Variants in ZNF564 observed in about 807,000 individuals in gnomAD.
ZNF564 encodes the protein zinc finger protein 564.
A neutral mutation model predicts 10.5 loss-of-function variants in ZNF564; 5 were observed. That is an observed-to-expected ratio of 0.48 (90% CI 0.25 to 1.00). The LOEUF is 1.00. ZNF564 is among the 50% of genes least tolerant of loss of function. The pLI is 0.16. For synonymous variants in ZNF564, 242 were observed against 218.1 expected (o/e 1.11, Z -0.97); for missense variants, 603 against 669.7 (o/e 0.90, Z 1.10).
At chr19:12,539,503 C>CA (rs1181815609) in intron 1 of ZNF564, among the ~76,000 whole-genome samples, 2,467 of 63,960 alleles carry the variant, frequency 0.039, 39 homozygotes, top group Non-Finnish European at 0.047. Context: ...AATAAAAATA[C>CA]AAAAAAAAAA....
At chr19:12,533,740 A>C (rs1249553929) in intron 1 of ZNF564, among the ~76,000 whole-genome samples, 1 of 149,792 alleles carries the variant, frequency 6.7e-6, no homozygotes, top group African/African-American at 2.4e-5. Flanking sequence ...AAAAAAAAAA[A>C]AAAAAAAAAA....
intron 1 of ZNF564, among the ~76,000 whole-genome samples, chr19:12,542,840 C>T (rs1006984802): frequency 6.6e-6 from 1 of 150,542 alleles, no homozygotes; most frequent in Admixed American, 6.6e-5. Context: ...TCTGTCACTA[C>T]TAAAAATACA....
chr19:12,537,756 A>C (rs2021948329), intron 1 of ZNF564, among the ~76,000 whole-genome samples: 1 of 151,024 alleles, frequency 6.6e-6, no homozygotes, highest in African/African-American at 2.5e-5. Flanking sequence ...AAAAAAAAGA[A>C]AAAAAAGAAA....
At chr19:12,543,567 G>A (rs1347592659) in intron 1 of ZNF564, among the ~76,000 whole-genome samples, 3 of 147,528 alleles carry the variant, frequency 2.0e-5, no homozygotes, top group East Asian at 2.1e-4. Flanking sequence ...CCAGCTACTC[G>A]GGAGGCTGAG....
At chr19:12,548,903 C>T in intron 1 of ZNF564, 1 of 701,434 alleles carries the variant, frequency 1.4e-6, no homozygotes, top group Non-Finnish European at 2.6e-6. Context: ...CTGTATTTCA[C>T]CAATTAATGT....
At position 12,551,438 on chromosome 19, in the gene ZNF564, A is replaced by C; in HGVS notation, c.-106T>G. ...GTGGAGCCACCGGGGCCACTGGAGAAGCGGAGACCGGAACCCAAACGCAGC... is the reference window on the plus strand; with the variant it reads ...GTGGAGCCACCGGGGCCACTGGAGACGCGGAGACCGGAACCCAAACGCAGC... On this transcript the variant is annotated 5_prime_UTR_variant, in exon 1 of 4. Transcript: ENST00000339282. The C allele has an allele frequency of 6.9e-7, 1 of 1,443,754 alleles. No individual in the cohort carries two copies. The highest frequency in any genetic ancestry group is 1.4e-5 in the South Asian group (1 of 72,278). The allele number at this position is 1,443,754 out of a possible 1,614,324, so 89.4% of individuals were successfully genotyped here.
chr19:12,525,487 C>T lies in ZNF564; in HGVS notation c.*959G>A, dbSNP rs1212708068. ...GTTCTCCAACATTCCACATCCTTGA[C>T]AGTATTTCTTGTTTTCCATCTTTGA... On this transcript the variant is annotated 3_prime_UTR_variant, in exon 4 of 4. Coordinates refer to ENST00000339282, the MANE Select transcript of ZNF564 (RefSeq NM_144976.4). 6.6e-6 allele frequency: 1 copy of T among 152,188 alleles called. No individual in the cohort carries two copies. Among genetic ancestry groups the T allele is most frequent in the Non-Finnish European group, 1.5e-5 (1 of 68,042 alleles). 9.4% of individuals were successfully genotyped at this position (152,188 alleles called of 1,614,324 possible).
intron 1 of ZNF564, among the ~76,000 whole-genome samples, chr19:12,533,936 G>A (rs1231281805): frequency 6.7e-6 from 1 of 148,244 alleles, no homozygotes; most frequent in African/African-American, 2.5e-5. Flanking sequence ...TAAACCTCTA[G>A]TCATGGTAAG....
chr19:12,534,699 A>T (rs541090713), intron 1 of ZNF564, among the ~76,000 whole-genome samples: 1 of 152,156 alleles, frequency 6.6e-6, no homozygotes, highest in Non-Finnish European at 1.5e-5. Context: ...ATGTAATCCC[A>T]GCTACTCGAG....
rs191787182 is a variant in ZNF564 at position 12,548,014 on chromosome 19, T to C, written c.3+3316A>G. On this transcript the variant is annotated intron_variant, in intron 1 of 3. Transcript: ENST00000339282. The stretch of plus-strand genomic sequence containing the variant: ...TTAGTAGAAACAGGGTTTCTCCATG[T>C]TGGTCAGGCTGGTCTCAAACTCACC... Among the ~76,000 whole-genome samples the C allele has an allele frequency of 2.3e-3, 352 of 151,814 alleles. 1 individual carries two copies. Among genetic ancestry groups the C allele is most frequent in the African/African-American group, 7.8e-3 (323 of 41,394 alleles).
Position 12,527,833 on chromosome 19 carries a change from A to T in ZNF564, c.275T>A (p.Leu92Gln). The T allele has an allele frequency of 6.2e-7, 1 of 1,614,182 alleles. No homozygotes were observed. Among genetic ancestry groups the T allele is most frequent in the Non-Finnish European group, 8.5e-7 (1 of 1,180,014 alleles). The change falls in exon 4 of 4, where the codon CTG becomes CAG. Residue 92 changes from leucine to glutamine, a missense_variant. Physicochemically the swap from Leu to Gln is moderately radical, Grantham distance 113. Coordinates refer to ENST00000339282, the MANE Select transcript of ZNF564 (RefSeq NM_144976.4). ...EAFSQILNLN[L>Q]NKKIPTIVRP... is the part of the protein sequence containing the mutation. The stretch of plus-strand genomic sequence containing the variant: ...TACTATAGTAGGAATTTTCTTGTTC[A>T]GATTAAGATTGAGAATCTGACTGAA...
chr19:12,530,770 C>T (rs2021784405), intron 1 of ZNF564, among the ~76,000 whole-genome samples: 1 of 152,076 alleles, frequency 6.6e-6, no homozygotes, highest in Non-Finnish European at 1.5e-5. Flanking sequence ...AAGATGGGTT[C>T]TTTTGGTTTT....
At chr19:12,530,628 G>A (rs980778837) in intron 1 of ZNF564, among the ~76,000 whole-genome samples, 1 of 152,104 alleles carries the variant, frequency 6.6e-6, no homozygotes, top group African/African-American at 2.4e-5. Context: ...TAAAATACAC[G>A]AAGGGATCAG....
Position 12,526,778 on chromosome 19 carries a change from T to C in ZNF564, c.1330A>G (p.Thr444Ala), listed in dbSNP as rs1568260797. 6.2e-7 allele frequency: 1 copy of C among 1,614,206 alleles called. No individual in the cohort carries two copies. Among genetic ancestry groups the C allele is most frequent in the Non-Finnish European group, 8.5e-7 (1 of 1,180,038 alleles). The stretch of plus-strand genomic sequence containing the variant: ...TGACATTTATAAGGTCCATCTCCAG[T>C]GTGCAGTATCATATGTTTTCTAATC... ...KRIRKHMILH[T>A]GDGPYKCQVC... The change falls in exon 4 of 4, where the codon ACT becomes GCT. Residue 444 changes from threonine (T) to alanine (A), a missense_variant. Transcript: ENST00000339282.
intron 1 of ZNF564, among the ~76,000 whole-genome samples, chr19:12,531,149 C>CA (rs1035485860): frequency 2.3e-4 from 35 of 152,218 alleles, no homozygotes; most frequent in Non-Finnish European, 4.6e-4. Context: ...GAAGAGTCAA[C>CA]AAAAAGTTCT....
chr19:12,535,643 T>C (rs1486513604), intron 1 of ZNF564, among the ~76,000 whole-genome samples: 1 of 152,192 alleles, frequency 6.6e-6, no homozygotes, highest in Non-Finnish European at 1.5e-5. Flanking sequence ...TAGTCAACTC[T>C]AATGTAAAAT....
In ZNF564 at chr19:12,527,657, T is replaced by C. The variant is rs200580014; in HGVS notation, c.451A>G (p.Ser151Gly). The part of the protein sequence containing the change: ...YKCKQCGKAF[S>G]SCQSFRRHER... ...TGTCTTCGAAAGGATTGACAAGAAC[T>C]GAAGGCTTTCCCACACTGCTTACAT... is the stretch of plus-strand genomic sequence containing the variant. The change falls in exon 4 of 4, where the codon AGT becomes GGT. Residue 151 changes from serine to glycine, a missense_variant. Transcript: ENST00000339282. 13 of 1,614,188 alleles carry C rather than the reference T, an allele frequency of 8.1e-6. No individual in the cohort carries two copies. Among genetic ancestry groups the C allele is most frequent in the Middle Eastern group, 1.6e-4 (1 of 6,062 alleles).
intron 1 of ZNF564, among the ~76,000 whole-genome samples, chr19:12,539,804 T>C (rs560097199): frequency 8.4e-4 from 128 of 151,600 alleles, no homozygotes; most frequent in Non-Finnish European, 1.5e-3. Context: ...TGAAACCCCA[T>C]CTCTACTAAA....
chr19:12,526,908 T>G lies in ZNF564; in HGVS notation c.1200A>C (p.Arg400Ser). ...DGPYKCQVCG[R>S]AFDCPSSFQI... ...GAAATGAACTGGGACAGTCAAAGGC[T>G]CTACCACATACCTGACATTTATAAG... Residue 400 changes from arginine (R) to serine (S), a missense_variant, in exon 4 of 4, where the codon AGA becomes AGC. Arg to Ser is a moderately radical substitution (Grantham distance 110). Transcript: ENST00000339282. 1 of 1,614,166 alleles carries G rather than the reference T, an allele frequency of 6.2e-7. No individual in the cohort carries two copies. The highest frequency in any genetic ancestry group is 8.5e-7 in the Non-Finnish European group (1 of 1,180,030).
Sources: allele counts gnomAD v4.1 joint callset (sites outside exome capture counted in the v4.1 genomes callset), GRCh38; gene constraint gnomAD v4.1.1; transcripts MANE v1.5; gene names NCBI Gene and HGNC (gene_info 2026-07-23, HGNC 2026-07-21).